MTG1: variants seen among roughly 807,000 people sequenced by gnomAD.
MTG1 encodes mitochondrial ribosome-associated GTPase 1.
A neutral mutation model predicts 39.5 loss-of-function variants in MTG1; 30 were observed. The ratio of observed to expected loss-of-function variants is 0.76; its 90% CI spans 0.57 to 1.03. MTG1 has a LOEUF of 1.03. Ranked by LOEUF, MTG1 falls within the 50% of genes least tolerant of loss-of-function variation. MTG1 has a pLI of 0.00. For synonymous variants in MTG1, 217 were observed against 179.0 expected (o/e 1.21, Z -1.69); for missense variants, 513 against 447.4 (o/e 1.15, Z -1.32).
rs1219971034 is a variant in MTG1, at chr10:133,421,911, A to AGGGGGGGGGGGGGGGGG, written c.*1749_*1750insGGGGGGGGGGGGGGGGG. 2 of 118,904 alleles carry AGGGGGGGGGGGGGGGGG rather than the reference A, an allele frequency of 1.7e-5. No homozygotes were observed. The highest frequency in any genetic ancestry group is 3.0e-5 in the African/African-American group (1 of 32,904). The allele number at this position is 118,904 out of a possible 1,614,324, so 7.4% of individuals were successfully genotyped here. ...AGATCCCAAGGCCACGGCGGGGGGC[A>AGGGGGGGGGGGGGGGGG]GGGAGAACCCCTCCTACCCTGGATG... On this transcript the variant is annotated 3_prime_UTR_variant, in exon 11 of 11. Transcript: ENST00000317502.
Position 133,402,813 on chromosome 10 carries a change from C to A in MTG1, c.752+40C>A, listed in dbSNP as rs765966481. Reference sequence around the variant, plus strand: ...TGCAGGGCAGCTGGGGCCCCTCCTCCTAGTCACCTCATTTAAAAAAAAAAA... The same window carrying A: ...TGCAGGGCAGCTGGGGCCCCTCCTCATAGTCACCTCATTTAAAAAAAAAAA... On this transcript the variant is annotated intron_variant, in intron 9 of 10. Transcript: ENST00000317502. This position sits in a 1 kb window ranked among gnomAD's most constrained non-coding sequence, Gnocchi z 4.7. The A allele has an allele frequency of 4.9e-6, 7 of 1,423,106 alleles. 1 individual carries two copies. In the South Asian group the frequency reaches 9.0e-5, roughly 18 times the overall value. The allele number at this position is 1,423,106 out of a possible 1,614,324, so 88.2% of individuals were successfully genotyped here.
intron 9 of MTG1, among the ~76,000 whole-genome samples, chr10:133,418,958 A>G (rs968940327): frequency 6.6e-6 from 1 of 152,194 alleles, no homozygotes; most frequent in Non-Finnish European, 1.5e-5. Context: ...TAGTCAGCCC[A>G]TGCTGGTCCC....
At chr10:133,416,801 T>C (rs28572264) in intron 9 of MTG1, among the ~76,000 whole-genome samples, 30,761 of 142,728 alleles carry the variant, frequency 0.22, 3,384 homozygotes, top group East Asian at 0.31. Flanking sequence ...TCCAGTCTAT[T>C]ATTGTTGGAC....
chr10:133,397,556 G>A (rs1355536014), intron 3 of MTG1, among the ~76,000 whole-genome samples: 1 of 150,600 alleles, frequency 6.6e-6, no homozygotes, highest in Non-Finnish European at 1.5e-5. Flanking sequence ...TTGACTCACT[G>A]CAAGCTCTGC....
At chr10:133,394,660 G>C (rs1401316739) in intron 1 of MTG1, 7 of 1,177,764 alleles carry the variant, frequency 5.9e-6, no homozygotes, top group Non-Finnish European at 7.4e-6. Context: ...ATCCCCCGAA[G>C]CCTCCGTTTC....
rs1308643854 is a variant in MTG1, at chr10:133,402,233, C to G, written c.658C>G (p.Leu220Val). Residue 220 changes from leucine to valine, a missense_variant, in exon 8 of 11, where the codon CTG becomes GTG. Transcript: ENST00000317502. This position sits in a 1 kb window ranked among gnomAD's most constrained non-coding sequence, Gnocchi z 4.7. ...RIESVETGLK[L>V]ALCGTVLDHL... ...TGAAAGTGTGGAGACAGGCCTGAAGCTGGCCCTGTGTGGTGAGCCGGGGCT... is the reference window on the plus strand; with the variant it reads ...TGAAAGTGTGGAGACAGGCCTGAAGGTGGCCCTGTGTGGTGAGCCGGGGCT... The G allele has an allele frequency of 6.2e-7, 1 of 1,603,224 alleles. No homozygotes were observed. The highest frequency in any genetic ancestry group is 2.3e-5 in the East Asian group (1 of 44,400).
At chr10:133,401,804 T>C in intron 7 of MTG1, 1 of 696,254 alleles carries the variant, frequency 1.4e-6, no homozygotes, top group Non-Finnish European at 2.6e-6. Context: ...GCACGCTGTT[T>C]TCCCCATTTC....
At chr10:133,406,452 T>A (rs1202582059) in intron 9 of MTG1, among the ~76,000 whole-genome samples, 1 of 152,034 alleles carries the variant, frequency 6.6e-6, no homozygotes, top group African/African-American at 2.4e-5. Context: ...CCACCATGCC[T>A]GGCTTGCTGA....
intron 9 of MTG1, among the ~76,000 whole-genome samples, chr10:133,418,943 G>T (rs1850179784): frequency 6.6e-6 from 1 of 152,172 alleles, no homozygotes; most frequent in African/African-American, 2.4e-5. Flanking sequence ...GCAGCGGTGG[G>T]TGCCTAGTCA....
intron 9 of MTG1, among the ~76,000 whole-genome samples, chr10:133,407,081 G>C (rs1457496567): frequency 6.6e-6 from 1 of 152,178 alleles, no homozygotes; most frequent in African/African-American, 2.4e-5. Flanking sequence ...GTATGTTCTT[G>C]GCACTTTTGT....
intron 9 of MTG1, among the ~76,000 whole-genome samples, chr10:133,413,570 C>A (rs1033847000): frequency 5.3e-5 from 8 of 152,100 alleles, no homozygotes; most frequent in Non-Finnish European, 1.0e-4. Flanking sequence ...TTTTTGTTTT[C>A]TTTTTTCCTC....
chr10:133,412,674 T>C (rs1288289301), intron 9 of MTG1, among the ~76,000 whole-genome samples: 1 of 152,190 alleles, frequency 6.6e-6, no homozygotes, highest in Admixed American at 6.5e-5. Flanking sequence ...AGTGCAGTAT[T>C]AGGTATGGGT....
intron 9 of MTG1, among the ~76,000 whole-genome samples, chr10:133,416,386 A>ATT: frequency 8.6e-6 from 1 of 116,396 alleles, no homozygotes; most frequent in Non-Finnish European, 1.9e-5. Context: ...ATATATATAT[A>ATT]TATTTTTCTT....
At chr10:133,401,818 A>G in intron 7 of MTG1, 1 of 683,784 alleles carries the variant, frequency 1.5e-6, no homozygotes, top group Non-Finnish European at 2.7e-6. Flanking sequence ...CCATTTCCAG[A>G]TGAGGAGGCC....
chr10:133,417,997 C>T (rs1369826358), intron 9 of MTG1, among the ~76,000 whole-genome samples: 1 of 152,108 alleles, frequency 6.6e-6, no homozygotes, highest in Non-Finnish European at 1.5e-5. Flanking sequence ...CTACCAATGA[C>T]TTTCTTTTTT....
intron 9 of MTG1, among the ~76,000 whole-genome samples, chr10:133,407,065 C>T (rs1849979478): frequency 6.6e-6 from 1 of 152,122 alleles, no homozygotes; most frequent in South Asian, 2.1e-4. Context: ...CTGTCCTTTC[C>T]CCAGTGTATG....
chr10:133,394,635 C>A, intron 1 of MTG1: 1 of 1,234,522 alleles, frequency 8.1e-7, no homozygotes. Context: ...CCAGCAAGTT[C>A]CTTCTGCCCT....
intron 6 of MTG1, among the ~76,000 whole-genome samples, chr10:133,399,963 C>T (rs971821088): frequency 3.7e-4 from 56 of 152,178 alleles, no homozygotes; most frequent in African/African-American, 9.7e-4. Context: ...GAGGCCGAGG[C>T]GGGCGGATCA....
intron 9 of MTG1, among the ~76,000 whole-genome samples, chr10:133,405,257 T>C (rs1156547821): frequency 6.6e-6 from 1 of 152,248 alleles, no homozygotes; most frequent in Non-Finnish European, 1.5e-5. Context: ...TTTAAACTTT[T>C]AATGCTAAGA....
Sources: allele counts gnomAD v4.1 joint callset (sites outside exome capture counted in the v4.1 genomes callset), GRCh38; gene constraint gnomAD v4.1.1; non-coding constraint Gnocchi (gnomAD v3.1); transcripts MANE v1.5; gene names NCBI Gene and HGNC (gene_info 2026-07-23, HGNC 2026-07-21).